ERBB4: variants seen among roughly 807,000 people sequenced by gnomAD.
ERBB4 encodes erb-b2 receptor tyrosine kinase 4.
ERBB4 carries 42 observed loss-of-function variants against 158.0 expected under a neutral mutation model. That is an observed-to-expected ratio of 0.27 (90% CI 0.21 to 0.34). The LOEUF (loss-of-function observed/expected upper bound fraction) is 0.34, where lower values mean the gene tolerates loss of function less well. Among genes scored for constraint, ERBB4 ranks in the 10% least tolerant of loss-of-function variants. ERBB4 has a pLI of 1.00. For missense variants in ERBB4, 1,333 were observed against 1,624.1 expected (o/e 0.82, Z 3.08); for synonymous variants, 583 against 558.7 (o/e 1.04, Z -0.61).
rs2087803861 is a variant in ERBB4, at chr2:212,325,877, T to C, written c.83-200974A>G. The stretch of plus-strand genomic sequence containing the variant: ...TATAGGAAACATTTTTTCCATATTA[T>C]TTTCCAAATGAAATTGTTTGCTCAT... On this transcript the variant is annotated intron_variant, in intron 1 of 27. Coordinates refer to ENST00000342788, the MANE Select transcript of ERBB4 (RefSeq NM_005235.3). Among the ~76,000 whole-genome samples the C allele has an allele frequency of 1.3e-5, 2 of 150,618 alleles. 1 individual carries two copies. Among genetic ancestry groups the C allele is most frequent in the Non-Finnish European group, 3.0e-5 (2 of 67,214 alleles).
intron 20 of ERBB4, among the ~76,000 whole-genome samples, chr2:211,449,472 G>A (rs1304849232): frequency 6.6e-6 from 1 of 152,102 alleles, no homozygotes; most frequent in Non-Finnish European, 1.5e-5. Flanking sequence ...TCATGAATGT[G>A]CTAATTGTTC....
intron 21 of ERBB4, among the ~76,000 whole-genome samples, chr2:211,430,669 T>C (rs917142517): frequency 6.6e-6 from 1 of 152,086 alleles, no homozygotes; most frequent in African/African-American, 2.4e-5. Context: ...GGACCTAACA[T>C]GAAGGTCACC....
intron 4 of ERBB4, among the ~76,000 whole-genome samples, chr2:211,768,313 G>T (rs1165849224): frequency 6.6e-6 from 1 of 152,158 alleles, no homozygotes; most frequent in Admixed American, 6.5e-5. Context: ...AGTATCTGCA[G>T]CTTTTCCAGG....
chr2:212,217,611 C>T (rs956835225), intron 1 of ERBB4, among the ~76,000 whole-genome samples: 4 of 151,284 alleles, frequency 2.6e-5, no homozygotes, highest in African/African-American at 4.8e-5. Flanking sequence ...AAGAAGGAAA[C>T]GGTTCGATTT....
chr2:211,590,763 T>C (rs73076987), intron 19 of ERBB4, among the ~76,000 whole-genome samples: 1,916 of 152,302 alleles, frequency 0.013, 35 homozygotes, highest in African/African-American at 0.043. Context: ...TCCCCTGTCT[T>C]GGGAAATCGG....
chr2:211,548,518 A>T (rs983321403), intron 20 of ERBB4, among the ~76,000 whole-genome samples: 2 of 152,142 alleles, frequency 1.3e-5, no homozygotes, highest in Non-Finnish European at 2.9e-5. Context: ...ACACTGTAGT[A>T]GTTATAGAAC....
chr2:211,812,911 T>A (rs2076792727), intron 3 of ERBB4, among the ~76,000 whole-genome samples: 1 of 152,190 alleles, frequency 6.6e-6, no homozygotes, highest in South Asian at 2.1e-4. Context: ...AATGCAGTAT[T>A]TGGGCGGGAG....
At chr2:212,213,186 C>T (rs1338042415) in intron 1 of ERBB4, among the ~76,000 whole-genome samples, 1 of 150,604 alleles carries the variant, frequency 6.6e-6, no homozygotes, top group African/African-American at 2.4e-5. Context: ...GGTGTAATAT[C>T]CAGAATTTAC....
At chr2:212,200,082 C>T (rs941967744) in intron 1 of ERBB4, among the ~76,000 whole-genome samples, 1 of 152,146 alleles carries the variant, frequency 6.6e-6, no homozygotes. Context: ...AAGGTCATGG[C>T]AGCTGGTAAT....
intron 2 of ERBB4, among the ~76,000 whole-genome samples, chr2:212,003,218 A>AC (rs1559294291): frequency 4.9e-5 from 3 of 61,808 alleles, no homozygotes; most frequent in African/African-American, 1.2e-4. Flanking sequence ...AGAAAGAAGG[A>AC]AGGAAGGAAG....
At chr2:212,510,291 C>T (rs1001887878) in intron 1 of ERBB4, among the ~76,000 whole-genome samples, 5 of 148,980 alleles carry the variant, frequency 3.4e-5, no homozygotes, top group Admixed American at 2.7e-4. Flanking sequence ...TACTATTGCA[C>T]AATATAAATA....
chr2:212,319,372 T>G (rs2106259957), intron 1 of ERBB4, among the ~76,000 whole-genome samples: 1 of 150,584 alleles, frequency 6.6e-6, no homozygotes, highest in South Asian at 2.1e-4. Flanking sequence ...GTTTGTTTGT[T>G]GTTTTTTATG....
intron 1 of ERBB4, among the ~76,000 whole-genome samples, chr2:212,260,373 A>G (rs528917374): frequency 2.6e-5 from 4 of 152,342 alleles, no homozygotes; most frequent in South Asian, 2.1e-4. Context: ...ATACTTGATT[A>G]CTGGAGTTAA....
intron 19 of ERBB4, among the ~76,000 whole-genome samples, chr2:211,562,769 C>CTTTTTTTTTTTTTTTTTTTTTTTTT (rs367801279): frequency 1.9e-4 from 24 of 125,710 alleles, no homozygotes; most frequent in Non-Finnish European, 2.3e-4. Context: ...ACTACTCCAA[C>CTTTTTTTTTTTTTTTTTTTTTTTTT]TTTTTTTTTT....
intron 19 of ERBB4, among the ~76,000 whole-genome samples, chr2:211,610,221 A>C (rs945635277): frequency 6.6e-6 from 1 of 152,114 alleles, no homozygotes. Context: ...ATTAGATTTT[A>C]TTAGATACAT....
At chr2:212,354,842 T>C (rs2089405676) in intron 1 of ERBB4, among the ~76,000 whole-genome samples, 1 of 152,052 alleles carries the variant, frequency 6.6e-6, no homozygotes, top group Non-Finnish European at 1.5e-5. Context: ...GAAATACTTA[T>C]ATATCTGCTG....
At chr2:212,270,852 C>A (rs114326716) in intron 1 of ERBB4, among the ~76,000 whole-genome samples, 2 of 151,514 alleles carry the variant, frequency 1.3e-5, no homozygotes, top group Admixed American at 6.6e-5. Flanking sequence ...GAGAGAGAGA[C>A]CTGACTATTT....
intron 1 of ERBB4, among the ~76,000 whole-genome samples, chr2:212,526,190 G>A (rs1351786457): frequency 6.6e-6 from 1 of 151,970 alleles, no homozygotes; most frequent in Non-Finnish European, 1.5e-5. Flanking sequence ...GAGTGACTGA[G>A]TCAGTTTGTA....
intron 1 of ERBB4, among the ~76,000 whole-genome samples, chr2:212,220,959 G>A (rs1032628541): frequency 6.6e-6 from 1 of 151,484 alleles, no homozygotes; most frequent in Non-Finnish European, 1.5e-5. Context: ...CCTAGCAGGT[G>A]TTCCATATAT....
Sources: allele counts gnomAD v4.1 joint callset (sites outside exome capture counted in the v4.1 genomes callset), GRCh38; gene constraint gnomAD v4.1.1; transcripts MANE v1.5; gene names NCBI Gene and HGNC (gene_info 2026-07-23, HGNC 2026-07-21).